ERBB4: variants seen among roughly 807,000 people sequenced by gnomAD.
ERBB4 encodes receptor tyrosine-protein kinase erbB-4.
Under a neutral mutation model 158.0 loss-of-function variants are expected in ERBB4, and 42 were observed. The ratio of observed to expected loss-of-function variants is 0.27; its 90% CI spans 0.21 to 0.34. ERBB4 has a LOEUF of 0.34. Among genes scored for constraint, ERBB4 ranks in the 10% least tolerant of loss-of-function variants. The pLI is 1.00. For synonymous variants in ERBB4, 583 were observed against 558.7 expected (o/e 1.04, Z -0.61); for missense variants, 1,333 against 1,624.1 (o/e 0.82, Z 3.08).
intron 3 of ERBB4, among the ~76,000 whole-genome samples, chr2:211,902,958 T>C (rs902683005): frequency 1.3e-5 from 2 of 151,994 alleles, no homozygotes; most frequent in African/African-American, 4.8e-5. Flanking sequence ...ACTAATTATC[T>C]CTGTAATCTC....
chr2:211,749,763 G>T (rs6738017), intron 5 of ERBB4, among the ~76,000 whole-genome samples: 50,537 of 151,890 alleles, frequency 0.33, 8,534 homozygotes, highest in South Asian at 0.44. Context: ...TTTCATCTAA[G>T]AGTGTAATAT....
intron 1 of ERBB4, among the ~76,000 whole-genome samples, chr2:212,404,703 C>CA (rs2091297435): frequency 6.6e-6 from 1 of 151,802 alleles, no homozygotes; most frequent in Non-Finnish European, 1.5e-5. Flanking sequence ...TTACATAAGT[C>CA]AACTCGTGTC....
At chr2:212,305,741 A>T (rs939289541) in intron 1 of ERBB4, among the ~76,000 whole-genome samples, 1 of 151,470 alleles carries the variant, frequency 6.6e-6, no homozygotes, top group Non-Finnish European at 1.5e-5. Flanking sequence ...TTTAAAAGTA[A>T]ATACAAATAA....
At chr2:212,192,062 A>G (rs1014446117) in intron 1 of ERBB4, among the ~76,000 whole-genome samples, 41 of 125,004 alleles carry the variant, frequency 3.3e-4, no homozygotes, top group African/African-American at 1.2e-3. Flanking sequence ...TATGTTATAT[A>G]TGTTATATGT....
intron 3 of ERBB4, among the ~76,000 whole-genome samples, chr2:211,840,159 T>A (rs2077438624): frequency 6.6e-6 from 1 of 152,008 alleles, no homozygotes; most frequent in African/African-American, 2.4e-5. Flanking sequence ...CCTAACAGAA[T>A]CATGGCGTGG....
At chr2:211,925,987 C>T (rs1242250416) in intron 3 of ERBB4, among the ~76,000 whole-genome samples, 1 of 152,088 alleles carries the variant, frequency 6.6e-6, no homozygotes, top group South Asian at 2.1e-4. Context: ...AAATTTCAAG[C>T]TTCACAGCCT....
chr2:212,143,231 C>A (rs1445851579), intron 1 of ERBB4, among the ~76,000 whole-genome samples: 2 of 152,114 alleles, frequency 1.3e-5, no homozygotes, highest in Non-Finnish European at 2.9e-5. Flanking sequence ...TTTCAAAGAT[C>A]ATGCTTGCTT....
intron 7 of ERBB4, among the ~76,000 whole-genome samples, 195 bp from the exon 8 acceptor site, chr2:211,713,843 A>G (rs2073801234): frequency 6.6e-6 from 1 of 152,212 alleles, no homozygotes; most frequent in South Asian, 2.1e-4. Context: ...GTGTGTTAAC[A>G]ACAACTAGTA....
intron 1 of ERBB4, among the ~76,000 whole-genome samples, chr2:212,131,721 T>C (rs897728654): frequency 4.6e-5 from 7 of 152,150 alleles, no homozygotes; most frequent in African/African-American, 1.7e-4. Flanking sequence ...CCTGTGGGCG[T>C]CTCTTAGTAT....
chr2:211,832,579 T>TGTGTGTGTATATATATATAC (rs2077246149), intron 3 of ERBB4, among the ~76,000 whole-genome samples: 1 of 150,324 alleles, frequency 6.7e-6, no homozygotes, highest in East Asian at 1.9e-4. Flanking sequence ...TGTGTGTGTG[T>TGTGTGTGTATATATATATAC]ATATATATAT....
At chr2:211,950,257 G>A (rs1298495385) in intron 2 of ERBB4, among the ~76,000 whole-genome samples, 2 of 152,130 alleles carry the variant, frequency 1.3e-5, no homozygotes, top group Non-Finnish European at 2.9e-5. Context: ...GGAATAGGTG[G>A]TCCAGGTGTC....
At chr2:212,168,169 C>T (rs1023240896) in intron 1 of ERBB4, among the ~76,000 whole-genome samples, 1 of 151,986 alleles carries the variant, frequency 6.6e-6, no homozygotes, top group Non-Finnish European at 1.5e-5. Context: ...TAAGCAGCAG[C>T]CACTTAAACT....
At chr2:211,762,705 C>T (rs1338777596) in intron 4 of ERBB4, among the ~76,000 whole-genome samples, 1 of 152,122 alleles carries the variant, frequency 6.6e-6, no homozygotes, top group Non-Finnish European at 1.5e-5. Context: ...AAACGTGGTT[C>T]AACAGCTAAA....
chr2:212,234,353 G>C (rs915286060), intron 1 of ERBB4, among the ~76,000 whole-genome samples: 6 of 152,106 alleles, frequency 3.9e-5, no homozygotes, highest in African/African-American at 1.4e-4. Context: ...TGGTGTATAT[G>C]TGTCACCTTT....
At chr2:212,282,545 A>T (rs564961474) in intron 1 of ERBB4, among the ~76,000 whole-genome samples, 7 of 152,062 alleles carry the variant, frequency 4.6e-5, no homozygotes, top group Non-Finnish European at 8.8e-5. Flanking sequence ...TATTTCATAA[A>T]CATTTCAAGG....
intron 5 of ERBB4, among the ~76,000 whole-genome samples, chr2:211,728,285 ATGTT>A (rs2074329247): frequency 6.6e-6 from 1 of 151,408 alleles, no homozygotes; most frequent in East Asian, 1.9e-4. Context: ...GTGTATTACT[ATGTT>A]TGTAACTGTA....
At chr2:211,456,261 G>A (rs76690544) in intron 20 of ERBB4, among the ~76,000 whole-genome samples, 19,057 of 152,114 alleles carry the variant, frequency 0.13, 1,605 homozygotes, top group South Asian at 0.35. Context: ...TAATCCCGTT[G>A]TTTTATTATT....
intron 1 of ERBB4, among the ~76,000 whole-genome samples, chr2:212,425,713 T>C (rs2105921092): frequency 6.6e-6 from 1 of 152,102 alleles, no homozygotes; most frequent in Middle Eastern, 3.4e-3. Context: ...TATGTATCTT[T>C]ATCACTTCAC....
intron 19 of ERBB4, among the ~76,000 whole-genome samples, chr2:211,580,877 A>G (rs1158592679): frequency 2.4e-4 from 2 of 8,404 alleles, no homozygotes; most frequent in African/African-American, 8.5e-4. Flanking sequence ...ATATATATAT[A>G]TATATATATA....
Sources: allele counts gnomAD v4.1 joint callset (sites outside exome capture counted in the v4.1 genomes callset), GRCh38; gene constraint gnomAD v4.1.1; transcripts MANE v1.5; gene names NCBI Gene and HGNC (gene_info 2026-07-23, HGNC 2026-07-21).